SSBP4: variants seen among roughly 807,000 people sequenced by gnomAD.
SSBP4 encodes the protein single stranded DNA binding protein 4.
In SSBP4, 33 loss-of-function variants were observed where a neutral mutation model predicts 64.6. The observed-to-expected ratio is 0.51, with a 90% CI of 0.39 to 0.68. SSBP4 has a LOEUF of 0.68. SSBP4 is among the 30% of genes least tolerant of loss of function. SSBP4 has a pLI of 0.00. For synonymous variants in SSBP4, 243 were observed against 224.0 expected (o/e 1.08, Z -0.76); for missense variants, 583 against 566.8 (o/e 1.03, Z -0.29).
rs953565972 is a variant in SSBP4 at position 18,426,139 on chromosome 19, G to A, written c.60-1212G>A. ...GGGCCGGGGCAGGAACAGGAGGACT[G>A]GAAATCTGAAAGGGACTTGGGGGCC... is the stretch of plus-strand genomic sequence containing the variant. On this transcript the variant is annotated intron_variant, in intron 1 of 17. Coordinates refer to ENST00000270061, the MANE Select transcript of SSBP4 (RefSeq NM_032627.5). This position sits in a 1 kb window ranked among gnomAD's most constrained non-coding sequence, Gnocchi z 4.5. 6 of 152,464 alleles carry A rather than the reference G, an allele frequency of 3.9e-5. No homozygotes were observed. The highest frequency in any genetic ancestry group is 8.8e-5 in the Non-Finnish European group (6 of 68,238). 9.4% of individuals were successfully genotyped at this position (152,464 alleles called of 1,614,324 possible).
rs1342519778 is a variant in SSBP4 at position 18,423,015 on chromosome 19, C to T, written c.59+3308C>T. Reference sequence around the variant, plus strand: ...CAGCTGGCTCCAGAAAGGGACCGAGCACCTGGTGGGTGCCTGCCCTCGGGG... The same window carrying T: ...CAGCTGGCTCCAGAAAGGGACCGAGTACCTGGTGGGTGCCTGCCCTCGGGG... On this transcript the variant is annotated intron_variant, in intron 1 of 17. Transcript: ENST00000270061. This position sits in a 1 kb window ranked among gnomAD's most constrained non-coding sequence, Gnocchi z 4.0. Among the ~76,000 whole-genome samples the T allele has an allele frequency of 6.6e-6, 1 of 152,248 alleles. No homozygotes were observed. The highest frequency in any genetic ancestry group is 2.4e-5 in the African/African-American group (1 of 41,472).
chr19:18,417,061 C>A (rs556593492), upstream of SSBP4, among the ~76,000 whole-genome samples: 1 of 152,104 alleles, frequency 6.6e-6, no homozygotes, highest in East Asian at 1.9e-4. The surrounding 1 kb of genome is among the most constrained non-coding windows in gnomAD (Gnocchi z 5.4). Context: ...GCCTCAGCCT[C>A]CCTCCCTCCT....
At chr19:18,408,973 T>C in the SSBP4 span, among the ~76,000 whole-genome samples, 1 of 151,918 alleles carries the variant, frequency 6.6e-6, no homozygotes, top group African/African-American at 2.4e-5. Flanking sequence ...CCACCACACT[T>C]GGCTAATTTT....
chr19:18,429,595 C>T (rs933991079), intron 4 of SSBP4, among the ~76,000 whole-genome samples: 5 of 151,438 alleles, frequency 3.3e-5, no homozygotes, highest in African/African-American at 1.2e-4. Flanking sequence ...CCTCCCCACC[C>T]TCGGGGAGTG....
the SSBP4 span, among the ~76,000 whole-genome samples, chr19:18,413,194 G>T: frequency 6.9e-6 from 1 of 144,602 alleles, no homozygotes; most frequent in Non-Finnish European, 1.5e-5. Flanking sequence ...TATTGTGGAC[G>T]TGGGGGAGGG....
the SSBP4 span, among the ~76,000 whole-genome samples, chr19:18,407,369 C>T: frequency 2.2e-4 from 34 of 151,848 alleles, no homozygotes; most frequent in Admixed American, 6.6e-4. Flanking sequence ...CATGAGAAGA[C>T]CTTGTTTAAG....
At chr19:18,433,266 C>G in intron 15 of SSBP4, 53 bp downstream of exon 15, 1 of 1,529,468 alleles carries the variant, frequency 6.5e-7, no homozygotes. Context: ...CCGTGCGCTC[C>G]CTGGCTGCTT....
In SSBP4 at chr19:18,433,722, G is replaced by A. The variant is rs1029796378; in HGVS notation, c.1033G>A (p.Ala345Thr). ...MDGLPKSSPGAVAGLSNAPGT... is the reference protein window; with the variant it reads ...MDGLPKSSPGTVAGLSNAPGT... ...CGGCCGCCCCCAGAGTTCCCCCGGC[G>A]CCGTGGCCGGCCTGAGCAACGCCCC... The change falls in exon 17 of 18, where the codon GCC (alanine) becomes ACC (threonine). Residue 345 changes from alanine to threonine, a missense_variant. By Grantham distance (58) the Ala-to-Thr change is moderately conservative. Transcript: ENST00000270061. The A allele has an allele frequency of 1.1e-5, 16 of 1,425,752 alleles. No homozygotes were observed. In the African/African-American group the frequency reaches 2.0e-4, roughly 18 times the overall value. 88.3% of individuals were successfully genotyped at this position (1,425,752 alleles called of 1,614,324 possible).
chr19:18,432,225 G>T lies in SSBP4; in HGVS notation c.704+11G>T. On this transcript the variant is annotated intron_variant, in intron 10 of 17. Coordinates refer to ENST00000270061, the MANE Select transcript of SSBP4 (RefSeq NM_032627.5). ...GCCTGCCATGAACATGTAAGACCCT[G>T]GGGGATCCTAGGAGTGTGCAGTTCG... The T allele has an allele frequency of 6.2e-7, 1 of 1,612,620 alleles. No homozygotes were observed. Among genetic ancestry groups the T allele is most frequent in the Non-Finnish European group, 8.5e-7 (1 of 1,179,774 alleles).
the SSBP4 span, among the ~76,000 whole-genome samples, chr19:18,408,701 C>G: frequency 6.6e-6 from 1 of 152,204 alleles, no homozygotes; most frequent in Non-Finnish European, 1.5e-5. Flanking sequence ...CCATGTTGGC[C>G]AGGCTGGTCT....
At chr19:18,432,530 CAG>C (rs749250484) in intron 10 of SSBP4, 27 bp from the exon 11 acceptor site, 1 of 1,552,022 alleles carries the variant, frequency 6.4e-7, no homozygotes, top group Non-Finnish European at 8.7e-7. Flanking sequence ...GGACTAGCCC[CAG>C]AGTCTGTCAT....
chr19:18,409,928 T>G, the SSBP4 span, among the ~76,000 whole-genome samples: 1 of 152,154 alleles, frequency 6.6e-6, no homozygotes, highest in Non-Finnish European at 1.5e-5. Flanking sequence ...GTCTCTCAGG[T>G]TCAAGCGATT....
the SSBP4 span, among the ~76,000 whole-genome samples, chr19:18,407,892 A>G: frequency 6.6e-6 from 1 of 151,960 alleles, no homozygotes; most frequent in South Asian, 2.1e-4. Context: ...ACAGGTGCAC[A>G]CCACCACACC....
intron 6 of SSBP4, 46 bp downstream of exon 6, chr19:18,431,464 C>A: frequency 9.3e-7 from 1 of 1,074,920 alleles, no homozygotes; most frequent in Non-Finnish European, 1.4e-6. Flanking sequence ...CATCCCCTCC[C>A]CCAGCGCCGC....
At chr19:18,419,054 G>A, upstream of SSBP4, 1 of 985,650 alleles carries the variant, frequency 1.0e-6, no homozygotes, top group Non-Finnish European at 1.2e-6. Flanking sequence ...TTCCAGCAGC[G>A]GGGTACACTT....
intron 4 of SSBP4, among the ~76,000 whole-genome samples, chr19:18,428,344 C>T (rs1056840555): frequency 6.6e-5 from 10 of 152,142 alleles, no homozygotes; most frequent in Middle Eastern, 3.2e-3. Context: ...CCTCCTCTGC[C>T]GTGTGTGCAT....
At position 18,426,490 on chromosome 19, in the gene SSBP4, G is replaced by A. The variant is rs539680839; in HGVS notation, c.60-861G>A. On this transcript the variant is annotated intron_variant, in intron 1 of 17. Transcript: ENST00000270061. This position sits in a 1 kb window ranked among gnomAD's most constrained non-coding sequence, Gnocchi z 4.5. ...CCAGAAGGGCTGGTGCCACAGGACTGGGCGACCCTTTGGATAGGGGGTTTG... is the reference window on the plus strand; with the variant it reads ...CCAGAAGGGCTGGTGCCACAGGACTAGGCGACCCTTTGGATAGGGGGTTTG... Among the ~76,000 whole-genome samples, 23 of 152,330 alleles carry A rather than the reference G, an allele frequency of 1.5e-4. No individual in the cohort carries two copies. The South Asian group carries it at 3.9e-3, about 26-fold the overall frequency.
rs1972963518 is a variant in SSBP4, at chr19:18,427,740, C to T, written c.133-12C>T. On this transcript the variant is annotated splice_polypyrimidine_tract_variant and intron_variant, in intron 2 of 17. Transcript: ENST00000270061. This position sits in a 1 kb window ranked among gnomAD's most constrained non-coding sequence, Gnocchi z 4.4. Reference sequence around the variant, plus strand: ...GTAGGGCCACCCCCTCACCACCTTCCTTTCCCTGCAGATCCGATGGGAGAA... The same window carrying T: ...GTAGGGCCACCCCCTCACCACCTTCTTTTCCCTGCAGATCCGATGGGAGAA... 6.3e-7 allele frequency: 1 copy of T among 1,575,926 alleles called. No individual in the cohort carries two copies. Among genetic ancestry groups the T allele is most frequent in the African/African-American group, 1.3e-5 (1 of 74,168 alleles).
chr19:18,420,465 G>A (rs904871113), intron 1 of SSBP4, among the ~76,000 whole-genome samples: 1 of 152,134 alleles, frequency 6.6e-6, no homozygotes, highest in Admixed American at 6.5e-5. Flanking sequence ...CTCGGGGTGG[G>A]GAGTCAGCCG....
Sources: gnomAD v4.1 joint callset for allele counts (sites outside exome capture counted in the v4.1 genomes callset) on GRCh38, gnomAD v4.1.1 for gene constraint, Gnocchi (gnomAD v3.1) non-coding constraint, MANE v1.5 for transcripts, NCBI Gene and HGNC (gene_info 2026-07-23, HGNC 2026-07-21) for gene names.